Variants in CADPS2 observed in about 807,000 individuals in gnomAD.
CADPS2 encodes calcium dependent secretion activator 2, also known as calcium-dependent secretion activator 2.
In CADPS2, 93 loss-of-function variants were observed where a neutral mutation model predicts 172.5. The ratio of observed to expected loss-of-function variants is 0.54; its 90% confidence interval spans 0.46 to 0.64. The LOEUF is 0.64. CADPS2 is among the 30% of genes least tolerant of loss of function. The probability of loss-of-function intolerance (pLI) is 0.00; values close to 1 mark genes in which losing one functional copy is unlikely to be tolerated. For synonymous variants in CADPS2, 546 were observed against 555.2 expected, an observed-to-expected ratio of 0.98 and a Z score of 0.23; for missense variants, 1,420 against 1,565.9, an observed-to-expected ratio of 0.91 and a Z score of 1.57.
intron 8 of CADPS2, among the ~76,000 whole-genome samples, chr7:122,532,514 G>A (rs1010580266): frequency 1.1e-4 from 17 of 151,748 alleles, no homozygotes; most frequent in South Asian, 2.1e-4. Context: ...ACACACTGCC[G>A]CACTCCGACC....
intron 14 of CADPS2, among the ~76,000 whole-genome samples, chr7:122,452,049 G>C (rs2053188407): frequency 6.6e-6 from 1 of 151,848 alleles, no homozygotes; most frequent in Admixed American, 6.6e-5. Context: ...TTCTTTTCAA[G>C]ATTTTTGTGT....
chr7:122,475,970 A>G (rs2056580613), intron 12 of CADPS2, among the ~76,000 whole-genome samples: 1 of 152,164 alleles, frequency 6.6e-6, no homozygotes, highest in South Asian at 2.1e-4. Flanking sequence ...ACTAATATAC[A>G]ATTGAACTTC....
At chr7:122,703,871 G>A (rs2086564338) in intron 2 of CADPS2, among the ~76,000 whole-genome samples, 1 of 152,004 alleles carries the variant, frequency 6.6e-6, no homozygotes, top group Admixed American at 6.6e-5. Context: ...AGTGGGAAGA[G>A]GAAAGGATGG....
At chr7:122,622,850 T>C (rs547058528) in intron 4 of CADPS2, among the ~76,000 whole-genome samples, 1 of 152,258 alleles carries the variant, frequency 6.6e-6, no homozygotes, top group East Asian at 1.9e-4. Context: ...GCATGTGTAG[T>C]ACAATTTGAA....
chr7:122,778,511 C>G (rs559977172), intron 1 of CADPS2, among the ~76,000 whole-genome samples: 7 of 152,306 alleles, frequency 4.6e-5, no homozygotes, highest in Admixed American at 4.6e-4. Flanking sequence ...CAGATACCTT[C>G]CCAGCAGTCC....
intron 4 of CADPS2, among the ~76,000 whole-genome samples, chr7:122,626,276 T>C (rs2076082760): frequency 6.6e-6 from 1 of 152,108 alleles, no homozygotes; most frequent in African/African-American, 2.4e-5. Context: ...TCCAGGAGAC[T>C]GGCTAAAAGG....
intron 1 of CADPS2, among the ~76,000 whole-genome samples, chr7:122,884,329 T>C (rs1214283274): frequency 6.6e-6 from 1 of 152,140 alleles, no homozygotes. Flanking sequence ...GGTGACTGCC[T>C]CAGAACAGAC....
chr7:122,387,207 T>C (rs1300540618), intron 23 of CADPS2, 34 bp from the exon 24 acceptor site: 1 of 1,554,012 alleles, frequency 6.4e-7, no homozygotes, highest in African/African-American at 1.4e-5. Flanking sequence ...GAGTAAGAAA[T>C]TCTGCTATAC....
chr7:122,811,394 T>C (rs1327161281), intron 1 of CADPS2, among the ~76,000 whole-genome samples: 1 of 152,218 alleles, frequency 6.6e-6, no homozygotes, highest in African/African-American at 2.4e-5. Flanking sequence ...TTTGGATATG[T>C]TGATGAACAT....
chr7:122,556,443 CTTTA>C (rs1409442925), intron 7 of CADPS2, among the ~76,000 whole-genome samples: 6 of 152,070 alleles, frequency 3.9e-5, no homozygotes, highest in African/African-American at 1.4e-4. Context: ...CACTTACAGA[CTTTA>C]TTGTTTTTTA....
At chr7:122,505,875 C>A (rs2059574161) in intron 9 of CADPS2, among the ~76,000 whole-genome samples, 1 of 152,092 alleles carries the variant, frequency 6.6e-6, no homozygotes, top group African/African-American at 2.4e-5. Flanking sequence ...ATCCCCTTTG[C>A]AAGGTAATAA....
intron 2 of CADPS2, among the ~76,000 whole-genome samples, chr7:122,730,033 G>C (rs1053597000): frequency 7.3e-5 from 11 of 151,564 alleles, no homozygotes; most frequent in African/African-American, 2.7e-4. Flanking sequence ...AATATTGGAG[G>C]TAAGAAACTT....
At position 122,621,684 on chromosome 7, in the gene CADPS2, T is replaced by C. The variant is rs1157361746; in HGVS notation, c.901A>G (p.Met301Val). 2.5e-6 allele frequency: 4 copies of C among 1,593,996 alleles called. No individual in the cohort carries two copies. The highest frequency in any genetic ancestry group is 3.4e-6 in the Non-Finnish European group (4 of 1,171,886). Reference sequence around the variant, plus strand: ...AACTCTTCTATATACATATTCTCCATATCTTTTGCTATAAATTTGGGGAAT... The same window carrying C: ...AACTCTTCTATATACATATTCTCCACATCTTTTGCTATAAATTTGGGGAAT... The part of the protein sequence containing the change: ...RKFPKFIAKD[M>V]ENMYIEELRS... The change falls in exon 5 of 30, where the codon ATG (methionine) becomes GTG (valine). Residue 301 changes from methionine (M) to valine (V), a missense_variant. Transcript: ENST00000449022.
chr7:122,584,615 C>T (rs975171733), intron 6 of CADPS2, among the ~76,000 whole-genome samples: 1 of 151,872 alleles, frequency 6.6e-6, no homozygotes. Flanking sequence ...TTTAACCCTG[C>T]TGTTTAAAAT....
rs756142754 is a variant in CADPS2, at chr7:122,737,051, C to A, written c.357G>T (p.Leu119Phe). 6.3e-7 allele frequency: 1 copy of A among 1,599,292 alleles called. No individual in the cohort carries two copies. Among genetic ancestry groups the A allele is most frequent in the South Asian group, 1.1e-5 (1 of 90,488 alleles). The change falls in exon 2 of 30, where the codon TTG becomes TTT. Residue 119 changes from leucine to phenylalanine, a missense_variant. By Grantham distance (22) the Leu-to-Phe change is conservative. Transcript: ENST00000449022. ...CCTGGAACCGTTCTTTCAGTAACTGCAACTGTTGTTTGTTAAGCTACAAGA... is the reference window on the plus strand; with the variant it reads ...CCTGGAACCGTTCTTTCAGTAACTGAAACTGTTGTTTGTTAAGCTACAAGA... The part of the protein sequence containing the change: ...RRQQKLNKQQ[L>F]QLLKERFQAF...
intron 20 of CADPS2, among the ~76,000 whole-genome samples, chr7:122,398,767 G>A (rs1398139776): frequency 3.9e-5 from 3 of 77,042 alleles, no homozygotes; most frequent in Admixed American, 1.6e-4. Context: ...TCTCTCTCCC[G>A]CCGCCCTCCC....
chr7:122,747,865 A>G (rs1321932222), intron 1 of CADPS2, among the ~76,000 whole-genome samples: 1 of 152,146 alleles, frequency 6.6e-6, no homozygotes, highest in Non-Finnish European at 1.5e-5. Flanking sequence ...TCTGCCTAGA[A>G]TACCATAGAA....
chr7:122,628,348 G>A (rs1026803698), intron 4 of CADPS2, among the ~76,000 whole-genome samples: 2 of 151,970 alleles, frequency 1.3e-5, no homozygotes, highest in Admixed American at 6.6e-5. Flanking sequence ...TCATTATCTT[G>A]ATCTGGGAGG....
At chr7:122,460,946 C>T (rs563245360) in intron 14 of CADPS2, among the ~76,000 whole-genome samples, 9 of 152,138 alleles carry the variant, frequency 5.9e-5, no homozygotes, top group Non-Finnish European at 1.5e-5. Flanking sequence ...CTGCTTTTGT[C>T]AATATAATTT....
Sources: gnomAD v4.1 joint callset for allele counts (sites outside exome capture counted in the v4.1 genomes callset) on GRCh38, gnomAD v4.1.1 for gene constraint, MANE v1.5 for transcripts, NCBI Gene and HGNC (gene_info 2026-07-23, HGNC 2026-07-21) for gene names.